ADAM7: variants seen among roughly 807,000 people sequenced by gnomAD.
ADAM7 encodes ADAM metallopeptidase domain 7.
In ADAM7, 97 loss-of-function variants were observed where a neutral mutation model predicts 102.9. The ratio of observed to expected loss-of-function variants is 0.94; its 90% CI spans 0.80 to 1.12. The LOEUF is 1.12. Among genes scored for constraint, ADAM7 ranks in the 50% most tolerant of loss-of-function variants. The probability of loss-of-function intolerance (pLI) is 0.00; values close to 1 mark genes in which losing one functional copy is unlikely to be tolerated. For synonymous variants in ADAM7, 334 were observed against 304.4 expected (o/e 1.10, Z -1.01); for missense variants, 991 against 908.7 (o/e 1.09, Z -1.16).
intron 4 of ADAM7, among the ~76,000 whole-genome samples, chr8:24,464,704 G>A (rs1201677213): frequency 6.6e-6 from 1 of 152,118 alleles, no homozygotes; most frequent in African/African-American, 2.4e-5. Flanking sequence ...AGGTTCAAGC[G>A]ATTCTCCTGC....
At chr8:24,467,014 C>T (rs1428872031) in intron 6 of ADAM7, 26 bp downstream of exon 6, 4 of 1,583,212 alleles carry the variant, frequency 2.5e-6, no homozygotes, top group Admixed American at 3.4e-5. Context: ...TTATCTTTAC[C>T]CCAAATGAAA....
At chr8:24,464,053 G>T (rs77483512) in intron 4 of ADAM7, 93 bp downstream of exon 4, 41,462 of 1,106,732 alleles carry the variant, frequency 0.037, 932 homozygotes, top group Middle Eastern at 0.061. Context: ...AGCTGTTTCA[G>T]AAAGTACTAC....
Position 24,507,466 on chromosome 8 carries a change from T to C in ADAM7, c.2209-14T>C. The stretch of plus-strand genomic sequence containing the variant: ...TGATGTGGCACATGATACAACATAA[T>C]TTATTTATTATAGAAACCTGCAAGT... On this transcript the variant is annotated splice_polypyrimidine_tract_variant and intron_variant, in intron 20 of 21. Transcript: ENST00000175238. The C allele has an allele frequency of 6.2e-7, 1 of 1,605,998 alleles. No individual in the cohort carries two copies. Among genetic ancestry groups the C allele is most frequent in the Non-Finnish European group, 8.5e-7 (1 of 1,172,986 alleles).
chr8:24,492,297 A>G, intron 14 of ADAM7, 198 bp from the exon 15 acceptor site: 2 of 681,574 alleles, frequency 2.9e-6, no homozygotes, highest in Non-Finnish European at 4.8e-6. Flanking sequence ...TATATGAGCT[A>G]TGTATATTTG....
intron 6 of ADAM7, among the ~76,000 whole-genome samples, chr8:24,468,548 A>T (rs899301291): frequency 6.6e-5 from 10 of 152,142 alleles, no homozygotes; most frequent in African/African-American, 2.4e-4. Flanking sequence ...AAAAAGAACA[A>T]ATAGAAAATA....
intron 21 of ADAM7, among the ~76,000 whole-genome samples, chr8:24,508,013 G>C (rs1427332104): frequency 6.6e-6 from 1 of 152,132 alleles, no homozygotes; most frequent in African/African-American, 2.4e-5. Context: ...GTCTATATTA[G>C]AAAATTTATC....
At chr8:24,482,629 G>A (rs1819997054) in intron 9 of ADAM7, among the ~76,000 whole-genome samples, 1 of 151,966 alleles carries the variant, frequency 6.6e-6, no homozygotes, top group Admixed American at 6.6e-5. Flanking sequence ...AGCACCCATG[G>A]TCCCAGCTAC....
At chr8:24,476,549 C>A in intron 8 of ADAM7, 45 bp downstream of exon 8, 2 of 1,475,542 alleles carry the variant, frequency 1.4e-6, no homozygotes, top group Non-Finnish European at 1.9e-6. Context: ...AATACGAATG[C>A]AAAGAACCTT....
At chr8:24,488,372 TA>T (rs1278863346) in intron 11 of ADAM7, among the ~76,000 whole-genome samples, 1 of 152,190 alleles carries the variant, frequency 6.6e-6, no homozygotes, top group African/African-American at 2.4e-5. Context: ...CAGGTATACA[TA>T]AAGCATTGTA....
intron 3 of ADAM7, among the ~76,000 whole-genome samples, chr8:24,458,217 G>A (rs1351546150): frequency 6.6e-6 from 1 of 151,998 alleles, no homozygotes; most frequent in Admixed American, 6.6e-5. Flanking sequence ...CTATTAAAAG[G>A]CCCGCTGCAA....
chr8:24,470,858 T>C (rs1185559828), intron 7 of ADAM7, among the ~76,000 whole-genome samples: 1 of 152,242 alleles, frequency 6.6e-6, no homozygotes, highest in Admixed American at 6.5e-5. Flanking sequence ...AGTGTACTCT[T>C]ATTGATATAT....
intron 3 of ADAM7, among the ~76,000 whole-genome samples, chr8:24,449,184 G>A (rs866929039): frequency 5.9e-5 from 9 of 152,250 alleles, no homozygotes; most frequent in East Asian, 5.8e-4. Flanking sequence ...GGGATGGCTC[G>A]GTCAAATGGT....
intron 3 of ADAM7, among the ~76,000 whole-genome samples, chr8:24,457,154 A>G (rs1819064470): frequency 1.3e-5 from 2 of 152,194 alleles, no homozygotes; most frequent in Non-Finnish European, 2.9e-5. Context: ...ACTAGTTGTA[A>G]TATTTAACTA....
chr8:24,459,217 T>C (rs907290649), intron 3 of ADAM7, among the ~76,000 whole-genome samples: 1 of 152,018 alleles, frequency 6.6e-6, no homozygotes, highest in African/African-American at 2.4e-5. Context: ...AAAGTTTCTA[T>C]TTTATCATGC....
At chr8:24,474,733 G>T (rs1045634580) in intron 7 of ADAM7, among the ~76,000 whole-genome samples, 3 of 151,470 alleles carry the variant, frequency 2.0e-5, no homozygotes, top group Non-Finnish European at 2.9e-5. Flanking sequence ...ATGACAAAAA[G>T]AAAAGAAAAA....
chr8:24,443,775 T>C (rs1301198225), intron 2 of ADAM7, among the ~76,000 whole-genome samples: 1 of 151,822 alleles, frequency 6.6e-6, no homozygotes, highest in Non-Finnish European at 1.5e-5. Flanking sequence ...CCATCTCTAC[T>C]AAAAATACAA....
intron 7 of ADAM7, among the ~76,000 whole-genome samples, chr8:24,475,526 G>A (rs1361489602): frequency 1.3e-5 from 2 of 151,436 alleles, no homozygotes. Context: ...GAGAATATTT[G>A]TGGGTTATTA....
At chr8:24,463,252 A>G (rs1344099216) in intron 3 of ADAM7, among the ~76,000 whole-genome samples, 1 of 152,170 alleles carries the variant, frequency 6.6e-6, no homozygotes, top group African/African-American at 2.4e-5. Context: ...GGTTGGGATC[A>G]AGAAGTGGCC....
chr8:24,478,106 G>A (rs1379880436), intron 8 of ADAM7, among the ~76,000 whole-genome samples: 2 of 152,118 alleles, frequency 1.3e-5, no homozygotes, highest in Non-Finnish European at 2.9e-5. Context: ...TTGTAGGCAG[G>A]AAGTCTGGGT....
Sources: gnomAD v4.1 joint callset for allele counts (sites outside exome capture counted in the v4.1 genomes callset) on GRCh38, gnomAD v4.1.1 for gene constraint, MANE v1.5 for transcripts, NCBI Gene and HGNC (gene_info 2026-07-23, HGNC 2026-07-21) for gene names.